The following CTNNBL1 variants were observed in gnomAD, a reference collection of about 807,000 sequenced individuals.
CTNNBL1 encodes the protein beta-catenin-like protein 1.
CTNNBL1 carries 31 observed loss-of-function variants against 72.7 expected under a neutral mutation model. The ratio of observed to expected loss-of-function variants is 0.43; its 90% CI spans 0.32 to 0.58. The LOEUF is 0.58. Among genes scored for constraint, CTNNBL1 ranks in the 20% least tolerant of loss-of-function variants. The pLI is 0.08. For missense variants in CTNNBL1, 534 were observed against 725.1 expected (o/e 0.74, Z 3.03); for synonymous variants, 240 against 267.3 (o/e 0.90, Z 1.00).
At chr20:37,828,955 C>A (rs2072184686) in intron 11 of CTNNBL1, among the ~76,000 whole-genome samples, 1 of 149,014 alleles carries the variant, frequency 6.7e-6, no homozygotes, top group South Asian at 2.1e-4. Flanking sequence ...TTGACAGGGC[C>A]TCCTGCTACT....
In CTNNBL1 at chr20:37,872,107, C is replaced by G. The variant is rs2072590871; in HGVS notation, c.*94C>G. ...TGTGTGGCTTTTGGACAAATTAAAG[C>G]TAGTTTTGGTATCCCCGGGCCAGTT... On this transcript the variant is annotated 3_prime_UTR_variant, in exon 16 of 16. Transcript: ENST00000361383. 1 of 1,192,578 alleles carries G rather than the reference C, an allele frequency of 8.4e-7. No individual in the cohort carries two copies. The highest frequency in any genetic ancestry group is 1.5e-5 in the African/African-American group (1 of 66,252). 73.9% of individuals were successfully genotyped at this position (1,192,578 alleles called of 1,614,324 possible). A position where few individuals can be genotyped will look rare whatever the true frequency, so the allele number is the denominator to read the frequency against.
intron 10 of CTNNBL1, among the ~76,000 whole-genome samples, chr20:37,799,353 G>A (rs1410886842): frequency 1.3e-5 from 2 of 152,026 alleles, no homozygotes; most frequent in Non-Finnish European, 2.9e-5. Context: ...CGTGTTCCTC[G>A]CCGCCTCTCC....
intron 10 of CTNNBL1, among the ~76,000 whole-genome samples, chr20:37,799,559 T>G (rs1431312808): frequency 1.3e-5 from 2 of 152,210 alleles, no homozygotes; most frequent in Non-Finnish European, 2.9e-5. Flanking sequence ...ACACCTTCAC[T>G]GACTTCTCCC....
intron 4 of CTNNBL1, among the ~76,000 whole-genome samples, chr20:37,752,743 C>T (rs1219468357): frequency 6.6e-6 from 1 of 152,046 alleles, no homozygotes; most frequent in Admixed American, 6.5e-5. Context: ...CCATTTCGTG[C>T]CCAGCTGGTC....
At chr20:37,817,628 A>G (rs539351149) in intron 11 of CTNNBL1, among the ~76,000 whole-genome samples, 1 of 152,262 alleles carries the variant, frequency 6.6e-6, no homozygotes, top group South Asian at 2.1e-4. Flanking sequence ...AGTGCTTCTT[A>G]ACGTTTATAT....
intron 1 of CTNNBL1, among the ~76,000 whole-genome samples, chr20:37,697,171 G>A (rs1466344285): frequency 2.6e-5 from 4 of 151,538 alleles, no homozygotes; most frequent in East Asian, 1.9e-4. Context: ...CAACAAGAGC[G>A]AAACTCTCTC....
intron 11 of CTNNBL1, among the ~76,000 whole-genome samples, chr20:37,823,138 G>C (rs150896351): frequency 1.3e-5 from 2 of 152,282 alleles, no homozygotes; most frequent in East Asian, 3.9e-4. Flanking sequence ...TCTCCTCTCT[G>C]TGATGAGTCT....
chr20:37,701,838 C>T (rs1416414707), intron 1 of CTNNBL1, among the ~76,000 whole-genome samples: 2 of 150,836 alleles, frequency 1.3e-5, no homozygotes, highest in East Asian at 1.9e-4. Flanking sequence ...AGATGTGTGG[C>T]GTAATACATC....
chr20:37,776,060 G>A (rs1337629161), intron 7 of CTNNBL1, among the ~76,000 whole-genome samples: 4 of 152,218 alleles, frequency 2.6e-5, no homozygotes, highest in East Asian at 3.9e-4. Context: ...TTTGATTTTC[G>A]TTAATATGAA....
At chr20:37,817,432 T>A (rs189743842) in intron 11 of CTNNBL1, among the ~76,000 whole-genome samples, 3 of 152,362 alleles carry the variant, frequency 2.0e-5, no homozygotes, top group Admixed American at 2.0e-4. Flanking sequence ...TTTTAAAATA[T>A]ATTTCATACA....
At chr20:37,863,733 G>C (rs1309188331) in intron 15 of CTNNBL1, among the ~76,000 whole-genome samples, 2 of 152,170 alleles carry the variant, frequency 1.3e-5, no homozygotes, top group Non-Finnish European at 2.9e-5. Context: ...CCCTTGATTG[G>C]CCAGCAGACA....
chr20:37,709,017 G>A (rs1461424350), intron 1 of CTNNBL1, among the ~76,000 whole-genome samples: 4 of 152,118 alleles, frequency 2.6e-5, no homozygotes, highest in African/African-American at 9.7e-5. Context: ...TGCACCTGTA[G>A]TGCCAGCTAC....
intron 13 of CTNNBL1, among the ~76,000 whole-genome samples, chr20:37,855,018 T>C (rs185044853): frequency 9.2e-4 from 139 of 151,826 alleles, no homozygotes; most frequent in African/African-American, 3.2e-3. Flanking sequence ...ATAGCAGTAG[T>C]TATTATCCAG....
At chr20:37,792,670 G>GA (rs11482084) in intron 10 of CTNNBL1, among the ~76,000 whole-genome samples, 102,462 of 151,678 alleles carry the variant, frequency 0.68, 34,687 homozygotes, top group East Asian at 0.84. Context: ...TGCAAAACTG[G>GA]AAAAAAAATC....
At chr20:37,729,603 G>C (rs1425454977) in intron 1 of CTNNBL1, among the ~76,000 whole-genome samples, 2 of 152,142 alleles carry the variant, frequency 1.3e-5, no homozygotes, top group East Asian at 3.9e-4. Context: ...TTTCCGTGGA[G>C]AACTATGGAG....
At chr20:37,754,971 C>G (rs2073351156) in intron 4 of CTNNBL1, among the ~76,000 whole-genome samples, 1 of 152,084 alleles carries the variant, frequency 6.6e-6, no homozygotes, top group East Asian at 1.9e-4. Context: ...CCACACCTGT[C>G]TGATTTTTGT....
Position 37,717,437 on chromosome 20 carries a change from A to ATT in CTNNBL1, c.31-15442_31-15441insTT, listed in dbSNP as rs1332047046. On this transcript the variant is annotated intron_variant, in intron 1 of 15. Transcript: ENST00000361383. The stretch of plus-strand genomic sequence containing the variant: ...TATCAGCATTTGTGTCATCCTAAAT[A>ATT]GCAAAGTAAATTTATTGTATCTGAG... Among the ~76,000 whole-genome samples the ATT allele has an allele frequency of 2.4e-3, 360 of 152,362 alleles. 4 individuals carry two copies. The highest frequency in any genetic ancestry group is 8.2e-3 in the African/African-American group (341 of 41,584).
At chr20:37,785,987 T>G (rs2122704413) in intron 10 of CTNNBL1, among the ~76,000 whole-genome samples, 1 of 152,342 alleles carries the variant, frequency 6.6e-6, no homozygotes, top group Non-Finnish European at 1.5e-5. Flanking sequence ...TCAGTAACAC[T>G]CTGGCTCTTG....
At chr20:37,784,240 T>C (rs1181091427) in intron 10 of CTNNBL1, among the ~76,000 whole-genome samples, 1 of 152,212 alleles carries the variant, frequency 6.6e-6, no homozygotes, top group Non-Finnish European at 1.5e-5. Context: ...TATATGTGTC[T>C]TCATAGGTGA....
Sources: gnomAD v4.1 joint callset for allele counts (sites outside exome capture counted in the v4.1 genomes callset) on GRCh38, gnomAD v4.1.1 for gene constraint, MANE v1.5 for transcripts, NCBI Gene and HGNC (gene_info 2026-07-23, HGNC 2026-07-21) for gene names.